C11orf65: variants seen among roughly 807,000 people sequenced by gnomAD.
The protein encoded by C11orf65 is protein MFI.
Under a neutral mutation model 35.3 loss-of-function variants are expected in C11orf65, and 38 were observed. That is an observed-to-expected ratio of 1.08 (90% confidence interval 0.83 to 1.41). The LOEUF is 1.41. Ranked by LOEUF, C11orf65 falls within the 40% of genes most tolerant of loss-of-function variation. The pLI is 0.00. For synonymous variants in C11orf65, 105 were observed against 114.4 expected, an observed-to-expected ratio of 0.92 and a Z score of 0.53; for missense variants, 370 against 367.1, an observed-to-expected ratio of 1.01 and a Z score of -0.06.
Position 108,354,915 on chromosome 11 carries a change from C to T in C11orf65, c.227-19623G>A, listed in dbSNP as rs759533987. 25 of 1,522,248 alleles carry T rather than the reference C, an allele frequency of 1.6e-5. 1 individual carries two copies. Among genetic ancestry groups the T allele is most frequent in the Middle Eastern group, 1.7e-4 (1 of 5,902 alleles). The allele number at this position is 1,522,248 out of a possible 1,614,324, so 94.3% of individuals were successfully genotyped here. On this transcript the variant is annotated intron_variant, in intron 2 of 3. Transcript: ENST00000524755. ...AGGAAGACTTTATTTTTTTTCTTAC[C>T]AGGTAGACTGTGTATCTCATCAGGA...
intron 2 of C11orf65, chr11:108,367,869 G>C: frequency 4.9e-6 from 1 of 205,216 alleles, no homozygotes; most frequent in Non-Finnish European, 1.0e-5. Context: ...TGAATATTTG[G>C]TATATATTGG....
chr11:108,359,392 T>G (rs878899288), intron 2 of C11orf65, among the ~76,000 whole-genome samples: 1 of 151,766 alleles, frequency 6.6e-6, no homozygotes, highest in Non-Finnish European at 1.5e-5. Context: ...ATCAACGAGA[T>G]AAAAAGTCAA....
intron 2 of C11orf65, 92 bp from the exon 3 acceptor site, chr11:108,431,930 AC>A: frequency 1.6e-6 from 1 of 635,392 alleles, no homozygotes; most frequent in Non-Finnish European, 2.6e-6. Flanking sequence ...CGAATAAAGT[AC>A]CATAAAATAG....
chr11:108,442,543 A>C (rs1313188725), intron 2 of C11orf65, among the ~76,000 whole-genome samples: 2 of 152,232 alleles, frequency 1.3e-5, no homozygotes, highest in Non-Finnish European at 2.9e-5. Flanking sequence ...CAAAGTTGAA[A>C]TGAAGGAAAA....
Position 108,354,837 on chromosome 11 carries a change from TGAGAAACTCTC to T in C11orf65, c.227-19556_227-19546del, listed in dbSNP as rs758814126. ...TGCTGTGAGAAAACCATGGAAGTGA[TGAGAAACTCTC>T]AGGAAACTCTGTTAACCATTGTAGA... On this transcript the variant is annotated intron_variant, in intron 2 of 3. Coordinates refer to the C11orf65 transcript ENST00000524755. 1.2e-6 allele frequency: 2 copies of T among 1,613,966 alleles called. No individual in the cohort carries two copies. The highest frequency in any genetic ancestry group is 2.7e-5 in the African/African-American group (2 of 75,066).
chr11:108,329,306 A>C (rs891917120), downstream of C11orf65: 14 of 1,382,684 alleles, frequency 1.0e-5, no homozygotes, highest in African/African-American at 1.5e-5. Context: ...TTTGCATAGA[A>C]AGAGTGACTT....
In C11orf65 at chr11:108,448,792, G is replaced by C. The variant is rs187654865; in HGVS notation, c.81+12687C>G. Among the ~76,000 whole-genome samples, 268 of 152,220 alleles carry C rather than the reference G, an allele frequency of 1.8e-3. 1 individual carries two copies. Among genetic ancestry groups the C allele is most frequent in the African/African-American group, 6.3e-3 (260 of 41,526 alleles). On this transcript the variant is annotated intron_variant, in intron 2 of 8. Coordinates refer to ENST00000393084, the MANE Select transcript of C11orf65 (RefSeq NM_152587.5). Reference sequence around the variant, plus strand: ...TTGGAAGTTCTGGCCAGGGCAATTAGGCAGGAGAAGGAAATAAAGGGTATT... The same window carrying C: ...TTGGAAGTTCTGGCCAGGGCAATTACGCAGGAGAAGGAAATAAAGGGTATT...
chr11:108,375,349 G>T (rs938705385), intron 2 of C11orf65, among the ~76,000 whole-genome samples: 1 of 151,752 alleles, frequency 6.6e-6, no homozygotes, highest in African/African-American at 2.4e-5. Context: ...TTAAAGAAAA[G>T]AATTTTCAAC....
At chr11:108,362,985 A>T (rs2090964013) in intron 2 of C11orf65, among the ~76,000 whole-genome samples, 2 of 152,078 alleles carry the variant, frequency 1.3e-5, no homozygotes, top group African/African-American at 2.4e-5. Context: ...AACAAAACAA[A>T]CAAACAAAAA....
intron 3 of C11orf65, chr11:108,331,797 C>T (rs2136509175): frequency 6.7e-7 from 1 of 1,503,306 alleles, no homozygotes; most frequent in South Asian, 1.2e-5. Context: ...CAGTAATACA[C>T]ATTTTAATGT....
intron 1 of C11orf65, among the ~76,000 whole-genome samples, chr11:108,466,138 A>C (rs1291486813): frequency 6.6e-6 from 1 of 152,200 alleles, no homozygotes; most frequent in Non-Finnish European, 1.5e-5. Flanking sequence ...GAGTAGGTGT[A>C]AGAGGACACC....
intron 2 of C11orf65, chr11:108,368,808 T>TA: frequency 4.8e-6 from 1 of 206,704 alleles, no homozygotes; most frequent in Non-Finnish European, 9.9e-6. Flanking sequence ...TCTTGGTCAT[T>TA]ATAGTATATG....
intron 2 of C11orf65, among the ~76,000 whole-genome samples, chr11:108,377,374 A>C (rs1186342130): frequency 6.6e-6 from 1 of 152,198 alleles, no homozygotes; most frequent in Non-Finnish European, 1.5e-5. Context: ...AACCAAAGAC[A>C]AAAAACACAT....
downstream of C11orf65, chr11:108,382,702 T>C: frequency 1.2e-6 from 1 of 860,318 alleles, no homozygotes; most frequent in South Asian, 5.4e-5. Context: ...CTGCCTTCCA[T>C]GAATGCACTA....
chr11:108,424,001 C>T (rs1032241762), intron 3 of C11orf65, among the ~76,000 whole-genome samples: 1 of 152,152 alleles, frequency 6.6e-6, no homozygotes, highest in Non-Finnish European at 1.5e-5. Context: ...TACCTCTTCT[C>T]CTTCAAAGTA....
At chr11:108,402,922 G>T (rs897082734) in intron 6 of C11orf65, among the ~76,000 whole-genome samples, 1 of 152,176 alleles carries the variant, frequency 6.6e-6, no homozygotes, top group African/African-American at 2.4e-5. Context: ...TCATTCTGTT[G>T]TACTGCTGCG....
chr11:108,413,081 A>C (rs35244261), intron 3 of C11orf65, among the ~76,000 whole-genome samples: 51,252 of 152,050 alleles, frequency 0.34, 9,694 homozygotes, highest in East Asian at 0.59. Context: ...GATCCAATTG[A>C]CATTTATAAA....
intron 2 of C11orf65, among the ~76,000 whole-genome samples, chr11:108,444,553 G>A (rs577640820): frequency 8.5e-5 from 13 of 152,160 alleles, no homozygotes; most frequent in African/African-American, 2.4e-4. Context: ...GATGAACATC[G>A]ATGCAAAAAC....
intron 2 of C11orf65, among the ~76,000 whole-genome samples, chr11:108,460,014 G>C (rs746965391): frequency 6.6e-6 from 1 of 152,128 alleles, no homozygotes; most frequent in Non-Finnish European, 1.5e-5. Flanking sequence ...CTCGGCTATA[G>C]GGCAAGTTAC....
Sources: allele counts gnomAD v4.1 joint callset (sites outside exome capture counted in the v4.1 genomes callset), GRCh38; gene constraint gnomAD v4.1.1; transcripts MANE v1.5; gene names NCBI Gene and HGNC (gene_info 2026-07-23, HGNC 2026-07-21).